The following MAGI1 variants were observed in gnomAD, a reference collection of about 807,000 sequenced individuals.
MAGI1 encodes membrane associated guanylate kinase, WW and PDZ domain containing 1, also known as membrane-associated guanylate kinase, WW and PDZ domain-containing protein 1.
A neutral mutation model predicts 139.9 loss-of-function variants in MAGI1; 58 were observed. The observed-to-expected ratio is 0.41, with a 90% CI of 0.34 to 0.52. The LOEUF (loss-of-function observed/expected upper bound fraction) is 0.52, where lower values mean the gene tolerates loss of function less well. MAGI1 is among the 20% of genes least tolerant of loss of function. The probability of loss-of-function intolerance (pLI) is 0.12; values close to 1 mark genes in which losing one functional copy is unlikely to be tolerated. For missense variants in MAGI1, 1,874 were observed against 1,901.6 expected (o/e 0.99, Z 0.27); for synonymous variants, 812 against 737.9 (o/e 1.10, Z -1.63).
chr3:66,031,566 C>T (rs377207256), intron 1 of MAGI1, among the ~76,000 whole-genome samples: 2 of 152,070 alleles, frequency 1.3e-5, no homozygotes, highest in African/African-American at 2.4e-5. Flanking sequence ...GTGCGTTGTA[C>T]GTCCTTGCTT....
At chr3:65,818,074 CTCTT>C (rs1559912122) in intron 1 of MAGI1, among the ~76,000 whole-genome samples, 2 of 120,690 alleles carry the variant, frequency 1.7e-5, no homozygotes, top group African/African-American at 2.9e-5. Flanking sequence ...GTGTGTCTCT[CTCTT>C]TGACTTTCCT....
At chr3:65,499,668 A>G (rs2077008093) in intron 2 of MAGI1, among the ~76,000 whole-genome samples, 1 of 152,218 alleles carries the variant, frequency 6.6e-6, no homozygotes, top group Admixed American at 6.5e-5. Flanking sequence ...TACCTGAAGG[A>G]ATGCCTTTAA....
intron 1 of MAGI1, among the ~76,000 whole-genome samples, chr3:65,950,067 CAAAA>C (rs61696952): frequency 1.4e-4 from 11 of 76,710 alleles, no homozygotes; most frequent in South Asian, 5.6e-4. Flanking sequence ...AACAAAAAAA[CAAAA>C]AAAAAACAAA....
rs112273673 is a variant in MAGI1, at chr3:65,744,948, A to G, written c.314-122860T>C. ...AGAAATTCTTTAACTATAAGGCAAT[A>G]AATTCCCCATTCTGTCCCTCCCTCC... On this transcript the variant is annotated intron_variant, in intron 1 of 22. Transcript: ENST00000402939. 3.3e-3 allele frequency among the ~76,000 whole-genome samples: 499 copies of G among 152,122 alleles called. 1 individual carries two copies. The highest frequency in any genetic ancestry group is 0.011 in the African/African-American group (472 of 41,520).
chr3:65,576,538 G>C (rs560698701), intron 2 of MAGI1, among the ~76,000 whole-genome samples: 1 of 152,258 alleles, frequency 6.6e-6, no homozygotes, highest in South Asian at 2.1e-4. Flanking sequence ...GACTGAAGTA[G>C]GCAAATACGT....
chr3:65,778,451 A>AAAAG (rs1180962724), intron 1 of MAGI1, among the ~76,000 whole-genome samples: 1 of 61,362 alleles, frequency 1.6e-5, no homozygotes, highest in Non-Finnish European at 3.7e-5. Flanking sequence ...AAAATAAATA[A>AAAAG]ATAAGTCTTT....
At chr3:65,778,613 A>C (rs941036459) in intron 1 of MAGI1, among the ~76,000 whole-genome samples, 1 of 152,110 alleles carries the variant, frequency 6.6e-6, no homozygotes, top group Non-Finnish European at 1.5e-5. Flanking sequence ...ACAGGTGAGG[A>C]AACAGCAGTT....
At chr3:65,468,657 G>A (rs553488579) in intron 5 of MAGI1, among the ~76,000 whole-genome samples, 28 of 152,080 alleles carry the variant, frequency 1.8e-4, no homozygotes, top group South Asian at 4.1e-4. Flanking sequence ...GATTACAGGC[G>A]TGAGCCACTG....
At chr3:65,368,942 C>G (rs1941704696) in intron 18 of MAGI1, among the ~76,000 whole-genome samples, 1 of 152,282 alleles carries the variant, frequency 6.6e-6, no homozygotes, top group African/African-American at 2.4e-5. Flanking sequence ...AGCTTCTGTC[C>G]TTGTCTGATT....
chr3:65,415,006 G>GAAA (rs60772625), intron 12 of MAGI1, among the ~76,000 whole-genome samples: 3 of 105,604 alleles, frequency 2.8e-5, no homozygotes, highest in South Asian at 2.6e-4. Context: ...TCCAGCCTGG[G>GAAA]AAAAAAAAAA....
At chr3:65,859,390 G>C (rs2059473966) in intron 1 of MAGI1, among the ~76,000 whole-genome samples, 1 of 151,298 alleles carries the variant, frequency 6.6e-6, no homozygotes, top group Non-Finnish European at 1.5e-5. Context: ...ACTCCATTTA[G>C]CATGGAGTCA....
At chr3:65,664,958 C>G (rs549551513) in intron 1 of MAGI1, among the ~76,000 whole-genome samples, 7 of 152,224 alleles carry the variant, frequency 4.6e-5, no homozygotes, top group Middle Eastern at 3.4e-3. Flanking sequence ...TGCTTCCAAG[C>G]AACAACTGCC....
At chr3:65,805,577 C>T (rs2040800808) in intron 1 of MAGI1, among the ~76,000 whole-genome samples, 1 of 152,144 alleles carries the variant, frequency 6.6e-6, no homozygotes, top group African/African-American at 2.4e-5. Flanking sequence ...ACCCGGCAAT[C>T]CCATTACTGG....
chr3:65,567,332 T>C (rs1404548), intron 2 of MAGI1, among the ~76,000 whole-genome samples: 85,037 of 151,658 alleles, frequency 0.56, 24,311 homozygotes, highest in East Asian at 0.82. Flanking sequence ...TCACGCTGAC[T>C]GTGTAAAAAG....
At chr3:65,488,843 T>A (rs1042194947) in intron 3 of MAGI1, among the ~76,000 whole-genome samples, 2 of 152,040 alleles carry the variant, frequency 1.3e-5, no homozygotes, top group Non-Finnish European at 2.9e-5. Context: ...AGCTCATTTT[T>A]GTATTTTTTT....
chr3:65,878,374 G>A (rs1159776060), intron 1 of MAGI1, among the ~76,000 whole-genome samples: 1 of 152,088 alleles, frequency 6.6e-6, no homozygotes, highest in Non-Finnish European at 1.5e-5. Context: ...AAATTAGCCA[G>A]GCATGGTGGT....
At chr3:65,384,665 T>TGA (rs1943305672) in intron 14 of MAGI1, among the ~76,000 whole-genome samples, 1 of 152,086 alleles carries the variant, frequency 6.6e-6, no homozygotes, top group Non-Finnish European at 1.5e-5. Flanking sequence ...CCAGGGAGGT[T>TGA]GAGACTGCAG....
chr3:65,464,826 T>G (rs2107553721), intron 5 of MAGI1, among the ~76,000 whole-genome samples: 1 of 133,564 alleles, frequency 7.5e-6, no homozygotes, highest in Non-Finnish European at 1.6e-5. Context: ...TTTTGTTCTG[T>G]TTTTCTTTCC....
chr3:65,738,122 T>C (rs759901770), intron 1 of MAGI1, among the ~76,000 whole-genome samples: 31 of 152,150 alleles, frequency 2.0e-4, no homozygotes, highest in Non-Finnish European at 4.4e-4. Context: ...ACTCATCCCA[T>C]CAATATCCTC....
Sources: allele counts gnomAD v4.1 joint callset (sites outside exome capture counted in the v4.1 genomes callset), GRCh38; gene constraint gnomAD v4.1.1; transcripts MANE v1.5; gene names NCBI Gene and HGNC (gene_info 2026-07-23, HGNC 2026-07-21).